The following MARCHF8 variants were observed in gnomAD, a reference collection of about 807,000 sequenced individuals.
MARCHF8 encodes membrane associated ring-CH-type finger 8.
Under a neutral mutation model 51.6 loss-of-function variants are expected in MARCHF8, and 40 were observed. The observed-to-expected ratio is 0.77, with a 90% CI of 0.60 to 1.01. The LOEUF is 1.01. Among genes scored for constraint, MARCHF8 ranks in the 50% least tolerant of loss-of-function variants. The probability of loss-of-function intolerance (pLI) is 0.00; values close to 1 mark genes in which losing one functional copy is unlikely to be tolerated. For missense variants in MARCHF8, 685 were observed against 708.6 expected, an observed-to-expected ratio of 0.97 and a Z score of 0.38; for synonymous variants, 263 against 280.3, an observed-to-expected ratio of 0.94 and a Z score of 0.62.
At chr10:45,506,827 TC>T (rs746687543) in intron 2 of MARCHF8, among the ~76,000 whole-genome samples, 4 of 152,190 alleles carry the variant, frequency 2.6e-5, no homozygotes, top group Non-Finnish European at 5.9e-5. Context: ...TGGAAAATTT[TC>T]ACTTCTTTTG....
At chr10:45,505,335 G>T (rs1417776624) in intron 2 of MARCHF8, among the ~76,000 whole-genome samples, 1 of 152,214 alleles carries the variant, frequency 6.6e-6, no homozygotes, top group Non-Finnish European at 1.5e-5. Context: ...CCTGTGGCAA[G>T]AGACTGCCTG....
intron 2 of MARCHF8, among the ~76,000 whole-genome samples, chr10:45,490,936 C>A (rs541291607): frequency 6.6e-6 from 1 of 152,246 alleles, no homozygotes; most frequent in East Asian, 1.9e-4. Flanking sequence ...ATCACTCTGT[C>A]ACCCAGGCTA....
chr10:45,464,731 A>C (rs1842914379), intron 3 of MARCHF8, among the ~76,000 whole-genome samples: 1 of 152,180 alleles, frequency 6.6e-6, no homozygotes, highest in South Asian at 2.1e-4. Flanking sequence ...AGTTCCCAAG[A>C]TCAACAAGGC....
At chr10:45,493,155 G>A (rs2043115725) in intron 2 of MARCHF8, among the ~76,000 whole-genome samples, 1 of 152,216 alleles carries the variant, frequency 6.6e-6, no homozygotes, top group Non-Finnish European at 1.5e-5. Context: ...AGGTGGAAGT[G>A]TGACACCACT....
intron 1 of MARCHF8, among the ~76,000 whole-genome samples, chr10:45,591,190 C>T (rs965626923): frequency 6.6e-6 from 1 of 152,202 alleles, no homozygotes; most frequent in African/African-American, 2.4e-5. Flanking sequence ...TCTGCCTGCA[C>T]CCAGGTGAAA....
At chr10:45,475,570 G>A (rs182456581) in intron 3 of MARCHF8, among the ~76,000 whole-genome samples, 26 of 152,210 alleles carry the variant, frequency 1.7e-4, no homozygotes, top group East Asian at 1.9e-4. Context: ...ACTCAATTGC[G>A]TACACATTTG....
intron 2 of MARCHF8, among the ~76,000 whole-genome samples, chr10:45,492,496 A>G (rs548241425): frequency 1.3e-5 from 2 of 151,932 alleles, no homozygotes; most frequent in Non-Finnish European, 2.9e-5. Context: ...ACGGGGTTTC[A>G]CTGTGTTAGC....
Position 45,454,719 on chromosome 10 carries a change from T to C in MARCHF8, c.*3520A>G, listed in dbSNP as rs1273255060. On this transcript the variant is annotated 3_prime_UTR_variant, in exon 8 of 8. Coordinates refer to ENST00000453424, the MANE Select transcript of MARCHF8 (RefSeq NM_001282866.2). ...ACACAAAAGAATACAAAACTAGACA[T>C]TTAGATCACTAGAAACTTTCTAAGG... is the stretch of plus-strand genomic sequence containing the variant. 1.3e-5 allele frequency: 2 copies of C among 152,194 alleles called. No homozygotes were observed. The highest frequency in any genetic ancestry group is 3.8e-4 in the East Asian group (2 of 5,200). The allele number at this position is 152,194 out of a possible 1,614,324, so 9.4% of individuals were successfully genotyped here.
chr10:45,543,649 T>A (rs2044082098), intron 1 of MARCHF8, among the ~76,000 whole-genome samples: 1 of 150,192 alleles, frequency 6.7e-6, no homozygotes, highest in South Asian at 2.1e-4. Context: ...ATACAAAAAA[T>A]TAGCCGGGCA....
intron 3 of MARCHF8, among the ~76,000 whole-genome samples, chr10:45,483,309 T>A (rs2042921875): frequency 6.6e-6 from 1 of 151,916 alleles, no homozygotes; most frequent in Non-Finnish European, 1.5e-5. Flanking sequence ...AACAATCCCA[T>A]TAAAAAGTGG....
At chr10:45,458,628 C>T (rs372879916) in intron 7 of MARCHF8, 85 bp from the exon 8 acceptor site, 1 of 1,346,646 alleles carries the variant, frequency 7.4e-7, no homozygotes, top group South Asian at 1.5e-5. Flanking sequence ...CCATAATCAA[C>T]TGATTCTTTG....
intron 2 of MARCHF8, among the ~76,000 whole-genome samples, chr10:45,489,707 GTAA>G (rs1303408867): frequency 6.6e-6 from 1 of 152,128 alleles, no homozygotes; most frequent in African/African-American, 2.4e-5. Flanking sequence ...AAATAAGATG[GTAA>G]TAAGTGTCTT....
At chr10:45,507,276 T>C (rs901049129) in intron 2 of MARCHF8, among the ~76,000 whole-genome samples, 1 of 152,218 alleles carries the variant, frequency 6.6e-6, no homozygotes, top group Non-Finnish European at 1.5e-5. Context: ...ATAAAAGGGC[T>C]GGTTGTTCCA....
intron 2 of MARCHF8, among the ~76,000 whole-genome samples, chr10:45,493,122 A>C (rs1384131205): frequency 6.6e-6 from 1 of 152,236 alleles, no homozygotes; most frequent in African/African-American, 2.4e-5. Flanking sequence ...GACATAAAAG[A>C]AGCACATACA....
chr10:45,481,682 C>A (rs182038170), intron 3 of MARCHF8, among the ~76,000 whole-genome samples: 1 of 152,148 alleles, frequency 6.6e-6, no homozygotes, highest in African/African-American at 2.4e-5. Context: ...TCCCCAGCCA[C>A]ATGGAACTGT....
chr10:45,481,617 C>T (rs1324207560), intron 3 of MARCHF8, among the ~76,000 whole-genome samples: 1 of 152,176 alleles, frequency 6.6e-6, no homozygotes, highest in Non-Finnish European at 1.5e-5. Flanking sequence ...TCATTTCTCC[C>T]TTGTCTGCTG....
At chr10:45,572,898 C>T (rs537277485) in intron 1 of MARCHF8, among the ~76,000 whole-genome samples, 12 of 152,090 alleles carry the variant, frequency 7.9e-5, no homozygotes, top group African/African-American at 2.2e-4. Context: ...CCTCAGCCTC[C>T]GCCCCGCCAC....
At chr10:45,468,533 G>C (rs1843047053) in intron 3 of MARCHF8, among the ~76,000 whole-genome samples, 1 of 152,156 alleles carries the variant, frequency 6.6e-6, no homozygotes, top group Non-Finnish European at 1.5e-5. Context: ...TTGCCCATCT[G>C]ATTTATTTCA....
chr10:45,535,015 CAGTA>C (rs1359837083), intron 1 of MARCHF8, among the ~76,000 whole-genome samples, 192 bp downstream of exon 1: 1 of 152,132 alleles, frequency 6.6e-6, no homozygotes, highest in Non-Finnish European at 1.5e-5. Context: ...TCTAGTTTTA[CAGTA>C]AGTGAGTGAC....
Sources: gnomAD v4.1 joint callset for allele counts (sites outside exome capture counted in the v4.1 genomes callset) on GRCh38, gnomAD v4.1.1 for gene constraint, MANE v1.5 for transcripts, NCBI Gene and HGNC (gene_info 2026-07-23, HGNC 2026-07-21) for gene names.